Variants in PRUNE2 observed in about 807,000 individuals in gnomAD.
The protein encoded by PRUNE2 is prune homolog 2 with BCH domain, also known as protein prune homolog 2.
In PRUNE2, 164 loss-of-function variants were observed where a neutral mutation model predicts 252.0. The observed-to-expected ratio is 0.65, with a 90% CI of 0.57 to 0.74. The LOEUF (loss-of-function observed/expected upper bound fraction) is 0.74. Ranked by LOEUF, PRUNE2 falls within the 30% of genes least tolerant of loss-of-function variation. The pLI is 0.00. For synonymous variants in PRUNE2, 1,292 were observed against 1,350.2 expected (o/e 0.96, Z 0.94); for missense variants, 3,495 against 3,711.0 (o/e 0.94, Z 1.51).
intron 3 of PRUNE2, among the ~76,000 whole-genome samples, 190 bp downstream of exon 3, chr9:76,850,273 C>G (rs2059888942): frequency 6.6e-6 from 1 of 152,148 alleles, no homozygotes; most frequent in Non-Finnish European, 1.5e-5. Context: ...TCTCGAACTC[C>G]TGGCCTCAAG....
chr9:76,614,456 G>A lies in PRUNE2; in HGVS notation c.*114C>T. On this transcript the variant is annotated 3_prime_UTR_variant, in exon 19 of 19. Transcript: ENST00000376718. ...ATTTTTCCCCTTAGAAATTTAGAAT[G>A]GCACCAGGTAGTGCAAAGTGGAAAA... 1.2e-6 allele frequency: 1 copy of A among 800,900 alleles called. No individual in the cohort carries two copies. Among genetic ancestry groups the A allele is most frequent in the Non-Finnish European group, 2.1e-6 (1 of 477,940 alleles). The allele number at this position is 800,900 out of a possible 1,614,324, so 49.6% of individuals were successfully genotyped here.
intron 12 of PRUNE2, among the ~76,000 whole-genome samples, chr9:76,641,116 A>C (rs890295533): frequency 3.9e-5 from 6 of 152,236 alleles, no homozygotes; most frequent in African/African-American, 1.4e-4. Flanking sequence ...AGTTTATTTA[A>C]CTAAAGGAAT....
intron 9 of PRUNE2, among the ~76,000 whole-genome samples, chr9:76,691,582 C>A (rs961517968): frequency 2.9e-4 from 44 of 152,054 alleles, no homozygotes; most frequent in African/African-American, 1.0e-3. Flanking sequence ...TTACAAGATT[C>A]TTTAGAAAAA....
intron 13 of PRUNE2, among the ~76,000 whole-genome samples, chr9:76,637,898 A>T (rs1435306726): frequency 6.6e-6 from 1 of 152,224 alleles, no homozygotes; most frequent in Non-Finnish European, 1.5e-5. Context: ...CTGACTAAGA[A>T]CATGTTATGA....
At chr9:76,645,416 G>A (rs1176597256) in intron 11 of PRUNE2, among the ~76,000 whole-genome samples, 1 of 152,106 alleles carries the variant, frequency 6.6e-6, no homozygotes, top group Non-Finnish European at 1.5e-5. Flanking sequence ...TCTTACAACT[G>A]GGCTGAGCCC....
rs1170670120 is a variant in PRUNE2, at chr9:76,713,596, A to G, written c.882T>C (p.Ala294=). 1 of 1,609,924 alleles carries G rather than the reference A, an allele frequency of 6.2e-7. No homozygotes were observed. Among genetic ancestry groups the G allele is most frequent in the South Asian group, 1.1e-5 (1 of 89,858 alleles). ...SEEQQPRRQI[A]VYSENMELCS... is the part of the protein sequence containing the mutation. ...ACAGCTCCATGTTTTCTGAGTACAC[A>G]GCAATCTGTCGTCTCGGCTGCTGCT... The change falls in exon 7 of 19, where the codon GCT becomes GCC. Residue 294 remains alanine, a synonymous_variant. Coordinates refer to ENST00000376718, the MANE Select transcript of PRUNE2 (RefSeq NM_015225.3).
chr9:76,730,433 CCTGGGATT>C (rs954397124), intron 6 of PRUNE2, among the ~76,000 whole-genome samples: 4 of 152,192 alleles, frequency 2.6e-5, no homozygotes, highest in African/African-American at 9.6e-5. Context: ...ACACAAATCA[CCTGGGATT>C]CTTGCTAAAC....
chr9:76,679,891 A>G (rs575089293), intron 9 of PRUNE2, among the ~76,000 whole-genome samples: 17 of 152,316 alleles, frequency 1.1e-4, no homozygotes, highest in Middle Eastern at 3.4e-3. Context: ...AAAACATAAG[A>G]CCCAAAATAG....
intron 9 of PRUNE2, among the ~76,000 whole-genome samples, chr9:76,679,832 C>A (rs966141475): frequency 6.6e-5 from 10 of 152,232 alleles, no homozygotes; most frequent in Non-Finnish European, 5.9e-5. Context: ...TGAAGTTGGA[C>A]CCTCACCTTA....
At chr9:76,819,183 G>A (rs931831911) in intron 6 of PRUNE2, 2 of 152,306 alleles carry the variant, frequency 1.3e-5, no homozygotes, top group Admixed American at 6.5e-5. Flanking sequence ...CCGGGAGGTG[G>A]AAGTTGCAGT....
At chr9:76,688,952 A>G (rs566368291) in intron 9 of PRUNE2, among the ~76,000 whole-genome samples, 41 of 152,122 alleles carry the variant, frequency 2.7e-4, no homozygotes, top group Non-Finnish European at 3.7e-4. Flanking sequence ...CCTTCTCCCA[A>G]CCTATTGAAA....
At chr9:76,624,928 C>A (rs1390404623) in intron 16 of PRUNE2, 1 of 694,854 alleles carries the variant, frequency 1.4e-6, no homozygotes, top group Non-Finnish European at 2.3e-6. Flanking sequence ...GATACAGTGA[C>A]CTCTTGCTCT....
intron 1 of PRUNE2, among the ~76,000 whole-genome samples, chr9:76,857,329 G>A (rs1035954300): frequency 2.0e-5 from 3 of 151,898 alleles, no homozygotes; most frequent in Admixed American, 6.5e-5. Context: ...CTGAGTTAAC[G>A]TGTCACCAAT....
At chr9:76,688,083 C>A (rs147612365) in intron 9 of PRUNE2, among the ~76,000 whole-genome samples, 2 of 152,224 alleles carry the variant, frequency 1.3e-5, no homozygotes, top group African/African-American at 4.8e-5. Flanking sequence ...CTCCTTGGAG[C>A]TTGTCACAGA....
At chr9:76,896,470 C>T (rs757024579) in intron 1 of PRUNE2, among the ~76,000 whole-genome samples, 2 of 152,130 alleles carry the variant, frequency 1.3e-5, no homozygotes, top group Non-Finnish European at 2.9e-5. Context: ...GGGAAGTGAC[C>T]GTGGACATAA....
chr9:76,645,078 G>A (rs1844242414), intron 11 of PRUNE2, 169 bp from the exon 12 acceptor site: 3 of 619,972 alleles, frequency 4.8e-6, no homozygotes, highest in South Asian at 2.0e-5. Context: ...AGCCTTTACA[G>A]AGCTTAGCAC....
intron 6 of PRUNE2, among the ~76,000 whole-genome samples, chr9:76,780,374 C>T (rs948121775): frequency 2.6e-5 from 4 of 152,064 alleles, no homozygotes; most frequent in Non-Finnish European, 5.9e-5. Flanking sequence ...GTCTGGCCAC[C>T]TGTATCCAAG....
rs896793578 is a variant in PRUNE2 at position 76,880,060 on chromosome 9, C to T, written c.37-25852G>A. ...TCCCGAGTAGCTGGGACTACAGGCA[C>T]GCGCCACCACGCCCGGCTAATTGTT... On this transcript the variant is annotated intron_variant, in intron 1 of 18. Transcript: ENST00000376718. 1.7e-4 allele frequency among the ~76,000 whole-genome samples: 25 copies of T among 151,066 alleles called. No individual in the cohort carries two copies. In the Middle Eastern group the frequency reaches 0.01, roughly 62 times the overall value.
intron 6 of PRUNE2, among the ~76,000 whole-genome samples, chr9:76,735,533 C>T (rs778890896): frequency 2.0e-5 from 3 of 150,812 alleles, no homozygotes; most frequent in Non-Finnish European, 4.4e-5. Context: ...TGGACTCCTA[C>T]GAGCCCAGAA....
Sources: gnomAD v4.1 joint callset for allele counts (sites outside exome capture counted in the v4.1 genomes callset) on GRCh38, gnomAD v4.1.1 for gene constraint, MANE v1.5 for transcripts, NCBI Gene and HGNC (gene_info 2026-07-23, HGNC 2026-07-21) for gene names.